DNAH3: variants seen among roughly 807,000 people sequenced by gnomAD.
The protein encoded by DNAH3 is dynein axonemal heavy chain 3.
DNAH3 carries 332 observed loss-of-function variants against 432.5 expected under a neutral mutation model. The observed-to-expected ratio is 0.77, with a 90% confidence interval of 0.70 to 0.84. The LOEUF (loss-of-function observed/expected upper bound fraction) is 0.84. DNAH3 is among the 40% of genes least tolerant of loss of function. DNAH3 has a pLI of 0.00. For synonymous variants in DNAH3, 1,956 were observed against 1,900.2 expected (o/e 1.03, Z -0.76); for missense variants, 4,861 against 5,114.0 (o/e 0.95, Z 1.51).
At chr16:21,102,388 A>G (rs2091858207) in intron 16 of DNAH3, among the ~76,000 whole-genome samples, 1 of 152,220 alleles carries the variant, frequency 6.6e-6, no homozygotes, top group Admixed American at 6.5e-5. Flanking sequence ...AAAATCATGC[A>G]TGCAAAATTG....
intron 31 of DNAH3, among the ~76,000 whole-genome samples, chr16:21,046,686 ATGT>A (rs1458917122): frequency 1.3e-5 from 2 of 151,440 alleles, no homozygotes; most frequent in Non-Finnish European, 2.9e-5. Flanking sequence ...TTTAAAGTTA[ATGT>A]TGTTATGTGT....
chr16:21,111,253 C>T (rs1027050878), intron 14 of DNAH3, among the ~76,000 whole-genome samples: 3 of 152,156 alleles, frequency 2.0e-5, no homozygotes, highest in South Asian at 2.1e-4. Flanking sequence ...AAGGAAAATG[C>T]GCCTGTAAGC....
chr16:20,950,429 T>C (rs1251402329), intron 56 of DNAH3, among the ~76,000 whole-genome samples: 1 of 152,180 alleles, frequency 6.6e-6, no homozygotes, highest in Non-Finnish European at 1.5e-5. Flanking sequence ...TAGCACGCAC[T>C]ATGACATCCA....
At chr16:21,086,994 T>A (rs2091397530) in exon 19 of DNAH3, 1 of 1,614,222 alleles carries the variant, frequency 6.2e-7, no homozygotes, top group East Asian at 2.2e-5. Flanking sequence ...GATCAGTTTA[T>A]ACGTTGTCCT....
intron 53 of DNAH3, among the ~76,000 whole-genome samples, chr16:20,960,124 T>C (rs1288572399): frequency 6.6e-6 from 1 of 152,224 alleles, no homozygotes; most frequent in Non-Finnish European, 1.5e-5. Context: ...TTTATATGAA[T>C]TGTAGAATAC....
At chr16:21,136,635 A>G (rs2092646827) in intron 5 of DNAH3, 122 bp from the exon 7 acceptor site, 1 of 877,180 alleles carries the variant, frequency 1.1e-6, no homozygotes, top group Non-Finnish European at 1.9e-6. Flanking sequence ...TTCACTTGCC[A>G]TAACCATGCA....
At chr16:20,949,365 A>C in intron 56 of DNAH3, among the ~76,000 whole-genome samples, 1 of 149,906 alleles carries the variant, frequency 6.7e-6, no homozygotes, top group Admixed American at 6.6e-5. Context: ...ATAAAAACAG[A>C]AACAAAAAAA....
chr16:20,948,519 T>A, exon 57 of DNAH3: 1 of 1,613,930 alleles, frequency 6.2e-7, no homozygotes, highest in South Asian at 1.1e-5. Context: ...AGTAAGTGTC[T>A]CCAGGAGCGA....
At chr16:20,993,058 G>T (rs891059577) in intron 44 of DNAH3, among the ~76,000 whole-genome samples, 4 of 151,932 alleles carry the variant, frequency 2.6e-5, no homozygotes, top group Non-Finnish European at 2.9e-5. Context: ...TAGAGGCAGG[G>T]TTTCACCATG....
intron 27 of DNAH3, among the ~76,000 whole-genome samples, chr16:21,056,708 C>T (rs1469736931): frequency 6.6e-6 from 1 of 152,130 alleles, no homozygotes; most frequent in East Asian, 1.9e-4. Flanking sequence ...TACGGAGACA[C>T]ATCACACAGC....
At position 21,083,172 on chromosome 16, in the gene DNAH3, C is replaced by T. The variant is rs575378304; in HGVS notation, c.2878-1445G>A. On this transcript the variant is annotated intron_variant, in intron 19 of 61. Coordinates refer to ENST00000261383, the Ensembl canonical transcript of DNAH3. ...TTGGGATTACAGGCGCATGGCACCA[C>T]GCCCGGCTAATTTTTGTATTTTTAG... Among the ~76,000 whole-genome samples, 265 of 151,986 alleles carry T rather than the reference C, an allele frequency of 1.7e-3. 1 individual carries two copies. Among genetic ancestry groups the T allele is most frequent in the African/African-American group, 6.1e-3 (255 of 41,466 alleles).
At chr16:21,146,677 G>C (rs1373679797) in intron 1 of DNAH3, among the ~76,000 whole-genome samples, 1 of 152,060 alleles carries the variant, frequency 6.6e-6, no homozygotes, top group African/African-American at 2.4e-5. Flanking sequence ...CTGTACAACA[G>C]ATCTCTTGAA....
chr16:20,961,683 C>A (rs1182209725), intron 53 of DNAH3, among the ~76,000 whole-genome samples: 2 of 151,434 alleles, frequency 1.3e-5, no homozygotes, highest in Non-Finnish European at 2.9e-5. Context: ...ATCAGAGAGG[C>A]CTCGAAAGAA....
intron 38 of DNAH3, among the ~76,000 whole-genome samples, chr16:21,026,546 C>T (rs1302944745): frequency 6.6e-6 from 1 of 151,434 alleles, no homozygotes; most frequent in East Asian, 1.9e-4. Flanking sequence ...ACTAATAATA[C>T]AAAAATTAGC....
chr16:20,936,772 C>T lies in DNAH3; in HGVS notation c.11736G>A (p.Glu3912=), dbSNP rs745543515. 5.6e-6 allele frequency: 9 copies of T among 1,613,458 alleles called. No homozygotes were observed. The African/African-American group carries it at 6.7e-5, about 12-fold the overall frequency. ...CCACAAGCATGCTGTTAAAGACTTC[C>T]TCTAGCTCCGAGGACATCAGGACCT... The change falls in exon 60 of 62, where the codon GAG becomes GAA. Residue 3912 remains glutamate, a synonymous_variant. Transcript: ENST00000261383.
At chr16:20,940,162 T>C (rs2083749696) in intron 59 of DNAH3, among the ~76,000 whole-genome samples, 1 of 152,210 alleles carries the variant, frequency 6.6e-6, no homozygotes, top group Non-Finnish European at 1.5e-5. Flanking sequence ...AAACTGAGTT[T>C]TCCCGTTGAA....
exon 53 of DNAH3, chr16:20,965,183 C>T (rs751691237): frequency 3.1e-6 from 5 of 1,613,952 alleles, no homozygotes; most frequent in East Asian, 2.2e-5. Flanking sequence ...TTGGGAGCCA[C>T]CACCTTGGCC....
chr16:21,134,640 G>A lies in DNAH3; in HGVS notation c.887-186C>T, dbSNP rs749023584. On this transcript the variant is annotated intron_variant, in intron 6 of 61. Coordinates refer to ENST00000261383, the Ensembl canonical transcript of DNAH3. ...GCCAAAGTGCTGGGATTACAGGCAT[G>A]AGTTGCTATGCCTGGCCTTAGAGTC... Among the ~76,000 whole-genome samples, 35 of 152,222 alleles carry A rather than the reference G, an allele frequency of 2.3e-4. No homozygotes were observed. In the Middle Eastern group the frequency reaches 0.014, roughly 59 times the overall value.
At chr16:20,969,612 G>A (rs1024067507) in intron 52 of DNAH3, among the ~76,000 whole-genome samples, 180 bp downstream of exon 52, 11 of 152,228 alleles carry the variant, frequency 7.2e-5, no homozygotes, top group African/African-American at 1.9e-4. Flanking sequence ...GGCGGAGGCC[G>A]CTGGAGAAGC....
Sources: allele counts gnomAD v4.1 joint callset (sites outside exome capture counted in the v4.1 genomes callset), GRCh38; gene constraint gnomAD v4.1.1; transcripts MANE v1.5; gene names NCBI Gene and HGNC (gene_info 2026-07-23, HGNC 2026-07-21).